Variants in LRBA observed in about 807,000 individuals in gnomAD.
LRBA encodes lipopolysaccharide-responsive and beige-like anchor protein.
A neutral mutation model predicts 330.0 loss-of-function variants in LRBA; 176 were observed. The ratio of observed to expected loss-of-function variants is 0.53; its 90% CI spans 0.47 to 0.60. The LOEUF (loss-of-function observed/expected upper bound fraction) is 0.60, where lower values mean the gene tolerates loss of function less well. LRBA is among the 20% of genes least tolerant of loss of function. The pLI, the probability that LRBA is intolerant of heterozygous loss-of-function variation, is 0.00. For synonymous variants in LRBA, 1,230 were observed against 1,193.0 expected (o/e 1.03, Z -0.64); for missense variants, 3,259 against 3,444.8 (o/e 0.95, Z 1.35).
At chr4:150,720,732 A>G (rs1379266152) in intron 36 of LRBA, among the ~76,000 whole-genome samples, 3 of 152,220 alleles carry the variant, frequency 2.0e-5, no homozygotes, top group Non-Finnish European at 4.4e-5. Context: ...TCTGCTGATT[A>G]TAACAAGAAA....
At chr4:150,702,611 A>C (rs182873359) in intron 36 of LRBA, among the ~76,000 whole-genome samples, 6 of 152,330 alleles carry the variant, frequency 3.9e-5, no homozygotes, top group Non-Finnish European at 1.5e-5. Flanking sequence ...CCAACACTAC[A>C]TAGTTAATTA....
chr4:150,620,357 G>C (rs1355522708), intron 37 of LRBA, among the ~76,000 whole-genome samples: 3 of 152,118 alleles, frequency 2.0e-5, no homozygotes, highest in Non-Finnish European at 2.9e-5. Context: ...TCTGCTGGTG[G>C]GAATGTAAAT....
chr4:150,409,220 A>G (rs1419234627), intron 47 of LRBA, among the ~76,000 whole-genome samples: 1 of 152,112 alleles, frequency 6.6e-6, no homozygotes, highest in Non-Finnish European at 1.5e-5. Flanking sequence ...AGCCAATCAG[A>G]GGGCTAGAAC....
At chr4:150,848,746 A>T (rs948714223) in intron 26 of LRBA, 72 bp downstream of exon 26, 6 of 1,175,982 alleles carry the variant, frequency 5.1e-6, no homozygotes, top group Non-Finnish European at 7.3e-6. Flanking sequence ...GAAGACGGAT[A>T]ATTTTCAATG....
At position 150,843,089 on chromosome 4, in the gene LRBA, T is replaced by A. The variant is rs532526408; in HGVS notation, c.4569+1011A>T. Among the ~76,000 whole-genome samples the A allele has an allele frequency of 3.4e-3, 521 of 152,270 alleles. 2 individuals are homozygous for A. The highest frequency in any genetic ancestry group is 0.012 in the African/African-American group (496 of 41,550). On this transcript the variant is annotated intron_variant, in intron 28 of 56. Transcript: ENST00000651943. ...ACCAGGAGGCGGAGCTTGGCTTCAC[T>A]CCTCACCCTTTGCTCACCTCACCTC... is the stretch of plus-strand genomic sequence containing the variant.
At chr4:150,588,212 A>G in intron 39 of LRBA, 28 bp from the exon 40 acceptor site, 1 of 1,552,518 alleles carries the variant, frequency 6.4e-7, no homozygotes. Flanking sequence ...CAAGCCACAC[A>G]AGTTGGAATG....
upstream of LRBA, chr4:151,015,594 G>T (rs1449892304): frequency 1.3e-5 from 2 of 152,716 alleles, no homozygotes; most frequent in African/African-American, 4.8e-5. Context: ...GCCGCTGCTG[G>T]CGCTACGGGC....
At chr4:150,449,228 C>G (rs1753044516) in intron 44 of LRBA, among the ~76,000 whole-genome samples, 1 of 152,042 alleles carries the variant, frequency 6.6e-6, no homozygotes, top group Non-Finnish European at 1.5e-5. Flanking sequence ...ACCCCTAGGA[C>G]CCAGGCAAAG....
At chr4:150,617,515 G>A (rs1270123724) in intron 37 of LRBA, among the ~76,000 whole-genome samples, 8 of 152,088 alleles carry the variant, frequency 5.3e-5, no homozygotes, top group Non-Finnish European at 1.2e-4. Context: ...GGTGGCAGGC[G>A]CCTGTAATCC....
chr4:150,429,309 A>C (rs999391012), intron 46 of LRBA, among the ~76,000 whole-genome samples: 8 of 152,086 alleles, frequency 5.3e-5, no homozygotes, highest in Admixed American at 5.2e-4. Flanking sequence ...TGAAAGGAAA[A>C]GGAAAATCAA....
rs1561250503 is a variant in LRBA, at chr4:150,489,281, T to TATATACGAATATATAATATATTAC, written c.6449-1448_6449-1447insGTAATATATTATATATTCGTATAT. 1.4e-3 allele frequency among the ~76,000 whole-genome samples: 55 copies of TATATACGAATATATAATATATTAC among 38,974 alleles called. 3 individuals are homozygous for TATATACGAATATATAATATATTAC. The highest frequency in any genetic ancestry group is 1.7e-3 in the African/African-American group (18 of 10,722). The allele number at this position is 38,974 out of a possible 152,430, so 25.6% of individuals were successfully genotyped here. A position where few individuals can be genotyped will look rare whatever the true frequency, so the allele number is the denominator to read the frequency against. On this transcript the variant is annotated intron_variant, in intron 41 of 56. Coordinates refer to ENST00000651943, the MANE Select transcript of LRBA (RefSeq NM_001364905.1). Reference sequence around the variant, plus strand: ...ATATATAAGAATATATAATATATTATATATAAGAATATATAATATATTATA... The same window carrying TATATACGAATATATAATATATTAC: ...ATATATAAGAATATATAATATATTATATATACGAATATATAATATATTACATATAAGAATATATAATATATTATA...
chr4:150,822,651 G>T (rs191917942), intron 30 of LRBA, among the ~76,000 whole-genome samples: 1 of 149,398 alleles, frequency 6.7e-6, no homozygotes, highest in South Asian at 2.1e-4. Flanking sequence ...CTACTCAGGG[G>T]ACTGAGGAAG....
intron 48 of LRBA, among the ~76,000 whole-genome samples, chr4:150,327,033 C>T (rs1050272844): frequency 6.6e-6 from 1 of 151,876 alleles, no homozygotes; most frequent in Non-Finnish European, 1.5e-5. Context: ...AAAATGGGAA[C>T]CTGAAGGCTA....
Position 150,743,259 on chromosome 4 carries a change from C to T in LRBA, c.5646-7893G>A, listed in dbSNP as rs546930795. On this transcript the variant is annotated intron_variant, in intron 35 of 56. Coordinates refer to ENST00000651943, the MANE Select transcript of LRBA (RefSeq NM_001364905.1). Reference sequence around the variant, plus strand: ...TGCTGGGATTACAGGCGTGAGCCACCGCGCCTGGCCAGCAGTCTTAATAAT... The same window carrying T: ...TGCTGGGATTACAGGCGTGAGCCACTGCGCCTGGCCAGCAGTCTTAATAAT... Among the ~76,000 whole-genome samples the T allele has an allele frequency of 1.8e-4, 28 of 152,268 alleles. No individual in the cohort carries two copies. In the East Asian group the frequency reaches 4.3e-3, roughly 23 times the overall value.
At chr4:150,776,381 A>C (rs1429474688) in intron 34 of LRBA, among the ~76,000 whole-genome samples, 1 of 152,202 alleles carries the variant, frequency 6.6e-6, no homozygotes, top group Admixed American at 6.5e-5. Context: ...AAAACATTTG[A>C]AAGATGTGGC....
At chr4:150,630,427 A>T in intron 37 of LRBA, among the ~76,000 whole-genome samples, 1 of 152,234 alleles carries the variant, frequency 6.6e-6, no homozygotes, top group Non-Finnish European at 1.5e-5. Context: ...CAGAGAAAAA[A>T]GTCAGAAATT....
chr4:150,519,579 A>G (rs143549706), intron 40 of LRBA, among the ~76,000 whole-genome samples: 541 of 152,274 alleles, frequency 3.6e-3, no homozygotes, highest in Non-Finnish European at 6.1e-3. Context: ...ATTGCATTGT[A>G]TAAATGTAAC....
chr4:150,565,730 A>G (rs1336640024), intron 40 of LRBA, among the ~76,000 whole-genome samples: 1 of 152,146 alleles, frequency 6.6e-6, no homozygotes, highest in African/African-American at 2.4e-5. Context: ...TAAAATGTGG[A>G]AAAGCTATAC....
chr4:151,013,531 G>A (rs941152383), intron 2 of LRBA: 1 of 152,124 alleles, frequency 6.6e-6, no homozygotes. Context: ...TTAATTAAAG[G>A]TAGAATTGTA....
Sources: allele counts gnomAD v4.1 joint callset (sites outside exome capture counted in the v4.1 genomes callset), GRCh38; gene constraint gnomAD v4.1.1; transcripts MANE v1.5; gene names NCBI Gene and HGNC (gene_info 2026-07-23, HGNC 2026-07-21).